Variants in AKAP7 observed in about 807,000 individuals in gnomAD.
AKAP7 encodes A-kinase anchoring protein 7, also known as A kinase (PRKA) anchor protein 7.
Under a neutral mutation model 39.5 loss-of-function variants are expected in AKAP7, and 39 were observed. That is an observed-to-expected ratio of 0.99 (90% CI 0.76 to 1.29). AKAP7 has a LOEUF of 1.29. AKAP7 is among the 50% of genes most tolerant of loss of function. The pLI is 0.00. For synonymous variants in AKAP7, 140 were observed against 139.1 expected (o/e 1.01, Z -0.05); for missense variants, 414 against 407.7 (o/e 1.02, Z -0.13).
At chr6:131,137,091 T>TCTGTGCC (rs1800613819) in intron 1 of AKAP7, among the ~76,000 whole-genome samples, 1 of 151,904 alleles carries the variant, frequency 6.6e-6, no homozygotes, top group Admixed American at 6.6e-5. Flanking sequence ...CCTCCCCAAG[T>TCTGTGCC]AGCGGGGACT....
At chr6:131,132,055 G>A (rs1289581561), upstream of AKAP7, among the ~76,000 whole-genome samples, 4 of 152,174 alleles carry the variant, frequency 2.6e-5, no homozygotes, top group East Asian at 7.7e-4. Flanking sequence ...GGTCACAACT[G>A]TAATCCCAGC....
chr6:131,234,603 TC>T (rs1810885705), intron 7 of AKAP7, among the ~76,000 whole-genome samples: 1 of 151,896 alleles, frequency 6.6e-6, no homozygotes, highest in Admixed American at 6.6e-5. Context: ...GTAGTTCAGA[TC>T]TTTTTTTTTT....
In AKAP7 at chr6:131,241,575, ATATGTGTG is replaced by A. The variant is rs1426351649; in HGVS notation, c.850+21769_850+21776del. ...GAGAGGTCCAGGACATAGATTATAT[ATATGTGTG>A]TGTGTGTGTGTGTGTGTGTGTGTGT... On this transcript the variant is annotated intron_variant, in intron 7 of 7. Transcript: ENST00000431975. 1.1e-4 allele frequency among the ~76,000 whole-genome samples: 7 copies of A among 63,872 alleles called. No homozygotes were observed. The South Asian group carries it at 2.2e-3, about 20-fold the overall frequency. 41.9% of individuals were successfully genotyped at this position (63,872 alleles called of 152,430 possible).
chr6:131,264,588 G>A (rs1021489139), intron 7 of AKAP7, among the ~76,000 whole-genome samples: 17 of 152,152 alleles, frequency 1.1e-4, no homozygotes, highest in African/African-American at 3.6e-4. Context: ...AAATAGCCTT[G>A]TAACCTTCTA....
At chr6:131,252,822 G>A (rs563068629) in intron 7 of AKAP7, among the ~76,000 whole-genome samples, 5 of 152,204 alleles carry the variant, frequency 3.3e-5, no homozygotes, top group African/African-American at 9.6e-5. Context: ...TTATCTTTGT[G>A]TCATCTCCTA....
intron 6 of AKAP7, among the ~76,000 whole-genome samples, chr6:131,212,008 C>T (rs1056429593): frequency 6.6e-6 from 1 of 152,130 alleles, no homozygotes; most frequent in Non-Finnish European, 1.5e-5. Flanking sequence ...TCATCTAACA[C>T]AAAACCCATT....
Position 131,278,911 on chromosome 6 carries a change from C to T in AKAP7, c.851-2619C>T, listed in dbSNP as rs181202165. Among the ~76,000 whole-genome samples the T allele has an allele frequency of 2.1e-3, 319 of 152,020 alleles. 1 individual carries two copies. Among genetic ancestry groups the T allele is most frequent in the African/African-American group, 7.3e-3 (302 of 41,440 alleles). Reference sequence around the variant, plus strand: ...CTAATTGCTGAAAGAGAGGGAGGGTCGTCTAGAAATTGGGAATGGTGTGGA... The same window carrying T: ...CTAATTGCTGAAAGAGAGGGAGGGTTGTCTAGAAATTGGGAATGGTGTGGA... On this transcript the variant is annotated intron_variant, in intron 7 of 7. Coordinates refer to ENST00000431975, the MANE Select transcript of AKAP7 (RefSeq NM_016377.4).
intron 5 of AKAP7, chr6:131,185,268 G>T: frequency 2.1e-6 from 1 of 468,446 alleles, no homozygotes. Flanking sequence ...GTGCTGGGCA[G>T]GGTACGAGTA....
At chr6:131,225,303 T>C (rs1025772044) in intron 7 of AKAP7, among the ~76,000 whole-genome samples, 6 of 152,176 alleles carry the variant, frequency 3.9e-5, no homozygotes, top group African/African-American at 1.4e-4. Flanking sequence ...CAGAAGCCCA[T>C]GTGGGTTTTG....
At position 131,166,473 on chromosome 6, in the gene AKAP7, TAG is replaced by T. The variant is rs1803510998; in HGVS notation, c.428+1262_428+1263del. On this transcript the variant is annotated intron_variant, in intron 4 of 7. Coordinates refer to ENST00000431975, the MANE Select transcript of AKAP7 (RefSeq NM_016377.4). Reference sequence around the variant, plus strand: ...CTGTGTAGACATGTATATCTTTATGTAGAGAGATTTATTTTAAAGAATTGTCT... The same window carrying T: ...CTGTGTAGACATGTATATCTTTATGTAGAGATTTATTTTAAAGAATTGTCT... Among the ~76,000 whole-genome samples the T allele has an allele frequency of 2.6e-5, 4 of 152,198 alleles. No individual in the cohort carries two copies. The South Asian group carries it at 8.3e-4, about 31-fold the overall frequency.
At position 131,281,731 on chromosome 6, in the gene AKAP7, G is replaced by T. The variant is rs1407329000; in HGVS notation, c.*5G>T. On this transcript the variant is annotated 3_prime_UTR_variant, in exon 8 of 8. Coordinates refer to ENST00000431975, the MANE Select transcript of AKAP7 (RefSeq NM_016377.4). This position sits in a 1 kb window ranked among gnomAD's most constrained non-coding sequence, Gnocchi z 4.0. ...AATGAGAACAACAGGAAATGAGCCCGGAACGCAGGCCCCCATGTCTCTGTG... is the reference window on the plus strand; with the variant it reads ...AATGAGAACAACAGGAAATGAGCCCTGAACGCAGGCCCCCATGTCTCTGTG... 6.3e-7 allele frequency: 1 copy of T among 1,590,186 alleles called. No homozygotes were observed. The highest frequency in any genetic ancestry group is 2.3e-5 in the East Asian group (1 of 44,394).
At chr6:131,212,837 G>A (rs1808801527) in intron 6 of AKAP7, among the ~76,000 whole-genome samples, 2 of 152,198 alleles carry the variant, frequency 1.3e-5, no homozygotes. Context: ...ATAAGAAAGT[G>A]AGAAAAGTAG....
At chr6:131,189,738 A>T (rs1292602185) in intron 5 of AKAP7, among the ~76,000 whole-genome samples, 1 of 152,202 alleles carries the variant, frequency 6.6e-6, no homozygotes, top group African/African-American at 2.4e-5. Context: ...TGTTTATTTC[A>T]GTATTCTTTT....
chr6:131,151,813 G>C (rs1219480064), intron 2 of AKAP7, among the ~76,000 whole-genome samples: 1 of 152,154 alleles, frequency 6.6e-6, no homozygotes, highest in East Asian at 1.9e-4. Flanking sequence ...TTTTAGGAAT[G>C]GTTACTTTGA....
chr6:131,178,787 T>C (rs1804822586), intron 5 of AKAP7, among the ~76,000 whole-genome samples: 1 of 152,156 alleles, frequency 6.6e-6, no homozygotes, highest in African/African-American at 2.4e-5. Flanking sequence ...AATCCAGTCA[T>C]TTGCTTTTTT....
chr6:131,173,162 C>G (rs1804239284), intron 5 of AKAP7, among the ~76,000 whole-genome samples: 1 of 146,280 alleles, frequency 6.8e-6, no homozygotes, highest in East Asian at 2.0e-4. Flanking sequence ...GATCGTGCCA[C>G]TGCACTCCAG....
intron 6 of AKAP7, among the ~76,000 whole-genome samples, chr6:131,217,029 C>A (rs1361105419): frequency 3.9e-5 from 6 of 152,106 alleles, no homozygotes; most frequent in Admixed American, 3.3e-4. Context: ...ACATTGTATA[C>A]CTCCATTGAT....
chr6:131,258,907 G>C (rs907387547), intron 7 of AKAP7, among the ~76,000 whole-genome samples: 3 of 152,164 alleles, frequency 2.0e-5, no homozygotes, highest in African/African-American at 7.2e-5. Flanking sequence ...CAAACAAGAT[G>C]CTTGGTGTGG....
chr6:131,234,107 G>A (rs1361613077), intron 7 of AKAP7, among the ~76,000 whole-genome samples: 3 of 152,104 alleles, frequency 2.0e-5, no homozygotes, highest in Admixed American at 2.0e-4. Context: ...GCTCCCTGCT[G>A]GCATTTGAAG....
Sources: allele counts gnomAD v4.1 joint callset (sites outside exome capture counted in the v4.1 genomes callset), GRCh38; gene constraint gnomAD v4.1.1; non-coding constraint Gnocchi (gnomAD v3.1); transcripts MANE v1.5; gene names NCBI Gene and HGNC (gene_info 2026-07-23, HGNC 2026-07-21).